PARP8: variants seen among roughly 807,000 people sequenced by gnomAD.
The protein encoded by PARP8 is protein mono-ADP-ribosyltransferase PARP8.
PARP8 carries 51 observed loss-of-function variants against 124.1 expected under a neutral mutation model. The observed-to-expected ratio is 0.41, with a 90% confidence interval of 0.33 to 0.52. PARP8 has a LOEUF of 0.52. Ranked by LOEUF, PARP8 falls within the 20% of genes least tolerant of loss-of-function variation. The pLI is 0.21. For missense variants in PARP8, 860 were observed against 1,018.9 expected (o/e 0.84, Z 2.12); for synonymous variants, 391 against 361.5 (o/e 1.08, Z -0.93).
rs548001216 is a variant in PARP8 at position 50,672,936 on chromosome 5, C to T, written c.146+4811C>T. Among the ~76,000 whole-genome samples the T allele has an allele frequency of 2.6e-5, 4 of 152,106 alleles. No individual in the cohort carries two copies. The South Asian group carries it at 6.2e-4, about 24-fold the overall frequency. Reference sequence around the variant, plus strand: ...TTTCATTATGAAAGATCAGACGTGCCCACTCCAGAAATCTTGGCATATACA... The same window carrying T: ...TTTCATTATGAAAGATCAGACGTGCTCACTCCAGAAATCTTGGCATATACA... On this transcript the variant is annotated intron_variant, in intron 2 of 25. Coordinates refer to ENST00000281631, the MANE Select transcript of PARP8 (RefSeq NM_024615.4).
intron 9 of PARP8, among the ~76,000 whole-genome samples, chr5:50,785,303 A>G (rs559817893): frequency 6.6e-6 from 1 of 152,256 alleles, no homozygotes; most frequent in South Asian, 2.1e-4. Context: ...ATTTATAGGA[A>G]TAATTTCTAT....
chr5:50,739,934 A>G (rs570551363), intron 2 of PARP8, among the ~76,000 whole-genome samples: 109 of 151,766 alleles, frequency 7.2e-4, no homozygotes, highest in Non-Finnish European at 1.4e-3. Context: ...TATTTTTAGT[A>G]GAGACGGGGT....
intron 25 of PARP8, among the ~76,000 whole-genome samples, chr5:50,835,720 C>G (rs1412063247): frequency 6.6e-6 from 1 of 151,914 alleles, no homozygotes; most frequent in East Asian, 1.9e-4. Flanking sequence ...AAAGATTGAT[C>G]TACATTCCAT....
At chr5:50,774,218 A>T (rs1761923597) in intron 7 of PARP8, among the ~76,000 whole-genome samples, 2 of 152,148 alleles carry the variant, frequency 1.3e-5, no homozygotes, top group African/African-American at 4.8e-5. Context: ...AACAAAATGG[A>T]GTCTCGTATG....
chr5:50,773,146 C>T (rs78050970), intron 7 of PARP8, among the ~76,000 whole-genome samples: 12,596 of 152,238 alleles, frequency 0.083, 672 homozygotes, highest in Non-Finnish European at 0.13. Context: ...TAGGTTGTCT[C>T]TTCACTATGT....
intron 24 of PARP8, among the ~76,000 whole-genome samples, chr5:50,834,511 C>T (rs1747347104): frequency 6.6e-6 from 1 of 152,108 alleles, no homozygotes; most frequent in Admixed American, 6.6e-5. Flanking sequence ...AGATGATATA[C>T]TTTTCTTTGT....
rs79434703 is a variant in PARP8, at chr5:50,743,325, G to A, written c.147-6826G>A. 3.8e-3 allele frequency among the ~76,000 whole-genome samples: 574 copies of A among 152,162 alleles called. 12 individuals carry two copies. The East Asian group carries it at 0.079, about 21-fold the overall frequency. ...TGAGGATGCTGTAGCTGATTGACCTGCACAATTTGAAAATGTTTTTAGAGG... is the reference window on the plus strand; with the variant it reads ...TGAGGATGCTGTAGCTGATTGACCTACACAATTTGAAAATGTTTTTAGAGG... On this transcript the variant is annotated intron_variant, in intron 2 of 25. Coordinates refer to ENST00000281631, the MANE Select transcript of PARP8 (RefSeq NM_024615.4).
intron 19 of PARP8, among the ~76,000 whole-genome samples, chr5:50,827,199 C>A (rs937470693): frequency 1.3e-5 from 2 of 152,012 alleles, no homozygotes; most frequent in Non-Finnish European, 2.9e-5. Context: ...TATTTATCAG[C>A]CTAGTAAGCT....
At chr5:50,833,947 G>T in intron 23 of PARP8, 32 bp from the exon 24 acceptor site, 2 of 1,573,134 alleles carry the variant, frequency 1.3e-6, no homozygotes, top group South Asian at 2.2e-5. Context: ...GTTTCATTCT[G>T]ACTCTAAGTT....
At chr5:50,736,465 G>A (rs1156584335) in intron 2 of PARP8, among the ~76,000 whole-genome samples, 3 of 152,040 alleles carry the variant, frequency 2.0e-5, no homozygotes, top group African/African-American at 7.2e-5. Flanking sequence ...AGTCTACTGA[G>A]TTTACAAAGT....
At chr5:50,763,041 TA>T in intron 6 of PARP8, 106 bp from the exon 7 acceptor site, 3 of 731,516 alleles carry the variant, frequency 4.1e-6, no homozygotes, top group Admixed American at 2.4e-5. Flanking sequence ...TTATTGAAGC[TA>T]AAAATGCCCA....
chr5:50,686,009 C>G (rs1751819291), intron 2 of PARP8, among the ~76,000 whole-genome samples: 1 of 152,196 alleles, frequency 6.6e-6, no homozygotes, highest in African/African-American at 2.4e-5. Flanking sequence ...ATCTCATGTC[C>G]TCACATTTCA....
chr5:50,763,403 G>T, intron 7 of PARP8, 161 bp downstream of exon 7: 3 of 570,000 alleles, frequency 5.3e-6, no homozygotes, highest in Non-Finnish European at 6.2e-6. Flanking sequence ...CATATTTATG[G>T]CTATTTTTTT....
rs368722549 is a variant in PARP8 at position 50,793,505 on chromosome 5, CATAGAAA to C, written c.738-698_738-692del. 2.0e-3 allele frequency among the ~76,000 whole-genome samples: 301 copies of C among 152,180 alleles called. 3 individuals are homozygous for C. Among genetic ancestry groups the C allele is most frequent in the African/African-American group, 6.9e-3 (285 of 41,522 alleles). On this transcript the variant is annotated intron_variant, in intron 10 of 25. Coordinates refer to ENST00000281631, the MANE Select transcript of PARP8 (RefSeq NM_024615.4). ...TAAAGCACTGATGGAGTGATTTTGACATAGAAAATATCGACATTAGGAGTTACCAACA... is the reference window on the plus strand; with the variant it reads ...TAAAGCACTGATGGAGTGATTTTGACATATCGACATTAGGAGTTACCAACA...
chr5:50,760,692 C>T (rs1456458168), intron 5 of PARP8, among the ~76,000 whole-genome samples: 1 of 152,082 alleles, frequency 6.6e-6, no homozygotes, highest in Non-Finnish European at 1.5e-5. Context: ...CGTGGCTATA[C>T]ATAATTTTGA....
chr5:50,692,320 AT>A (rs1752577239), intron 2 of PARP8, among the ~76,000 whole-genome samples: 1 of 151,908 alleles, frequency 6.6e-6, no homozygotes, highest in Non-Finnish European at 1.5e-5. Context: ...TTTATTTTGC[AT>A]TGTCTATTCC....
At chr5:50,833,368 G>A (rs1303591863) in intron 23 of PARP8, 1 of 446,154 alleles carries the variant, frequency 2.2e-6, no homozygotes, top group Non-Finnish European at 4.5e-6. Flanking sequence ...CTAGGAGAAA[G>A]AACATTCTGG....
chr5:50,731,822 A>G (rs1215422191), intron 2 of PARP8, among the ~76,000 whole-genome samples: 2 of 152,200 alleles, frequency 1.3e-5, no homozygotes, highest in African/African-American at 4.8e-5. Flanking sequence ...AATTCAAGCC[A>G]GGTTATTTTG....
intron 14 of PARP8, among the ~76,000 whole-genome samples, chr5:50,813,827 G>A (rs906090104): frequency 8.6e-5 from 13 of 151,948 alleles, no homozygotes; most frequent in South Asian, 6.2e-4. Flanking sequence ...ATATGTACAC[G>A]CACACAGACA....
Sources: gnomAD v4.1 joint callset for allele counts (sites outside exome capture counted in the v4.1 genomes callset) on GRCh38, gnomAD v4.1.1 for gene constraint, MANE v1.5 for transcripts, NCBI Gene and HGNC (gene_info 2026-07-23, HGNC 2026-07-21) for gene names.